TECTA: variants seen among roughly 807,000 people sequenced by gnomAD.
TECTA encodes alpha-tectorin.
TECTA carries 128 observed loss-of-function variants against 216.8 expected under a neutral mutation model. That is an observed-to-expected ratio of 0.59 (90% CI 0.51 to 0.68). TECTA has a LOEUF of 0.68. TECTA is among the 30% of genes least tolerant of loss of function. The probability of loss-of-function intolerance (pLI) is 0.00; values close to 1 mark genes in which losing one functional copy is unlikely to be tolerated. For missense variants in TECTA, 2,551 were observed against 2,786.2 expected, an observed-to-expected ratio of 0.92 and a Z score of 1.90; for synonymous variants, 1,089 against 1,117.1, an observed-to-expected ratio of 0.97 and a Z score of 0.50.
At chr11:121,145,288 A>C (rs1946823758) in intron 11 of TECTA, among the ~76,000 whole-genome samples, 2 of 152,220 alleles carry the variant, frequency 1.3e-5, no homozygotes, top group Non-Finnish European at 2.9e-5. Context: ...TGGAGAAAAC[A>C]ATTTGAACTC....
At chr11:121,154,088 T>G (rs1013124651) in intron 13 of TECTA, among the ~76,000 whole-genome samples, 1 of 152,120 alleles carries the variant, frequency 6.6e-6, no homozygotes, top group African/African-American at 2.4e-5. Context: ...AAATAACCTA[T>G]CAGCAAGTGA....
At chr11:121,156,531 T>C (rs527258) in intron 13 of TECTA, among the ~76,000 whole-genome samples, 1 of 151,540 alleles carries the variant, frequency 6.6e-6, no homozygotes, top group Non-Finnish European at 1.5e-5. Flanking sequence ...TTTAGTAGAG[T>C]TGGGGTTTCA....
chr11:121,148,238 C>T (rs1946858351), intron 12 of TECTA, among the ~76,000 whole-genome samples: 1 of 152,108 alleles, frequency 6.6e-6, no homozygotes, highest in South Asian at 2.1e-4. Context: ...CCAGCACGTT[C>T]CAGGCCAATA....
chr11:121,188,118 T>A, intron 21 of TECTA, 124 bp downstream of exon 21: 1 of 976,286 alleles, frequency 1.0e-6, no homozygotes, highest in Non-Finnish European at 1.6e-6. Context: ...GGGTGGACAG[T>A]CATCTTTGAT....
chr11:121,134,574 C>CT lies in TECTA; in HGVS notation c.2942-2836dup, dbSNP rs34432296. The stretch of plus-strand genomic sequence containing the variant: ...GGACCTTATCATACTTTCCCAAAGT[C>CT]TTTTTTTTTTTCATCCACCTCCCTA... On this transcript the variant is annotated intron_variant, in intron 10 of 23. Transcript: ENST00000392793. Among the ~76,000 whole-genome samples the CT allele has an allele frequency of 2.9e-3, 429 of 148,602 alleles. 3 individuals carry two copies. The highest frequency in any genetic ancestry group is 0.011 in the South Asian group (52 of 4,682).
chr11:121,107,394 C>G (rs1946400648), intron 3 of TECTA, among the ~76,000 whole-genome samples: 1 of 152,160 alleles, frequency 6.6e-6, no homozygotes, highest in Admixed American at 6.5e-5. Flanking sequence ...GTGCAGTTTT[C>G]TTCAAGCCTC....
At chr11:121,129,555 G>T in intron 9 of TECTA, 83 bp from the exon 10 acceptor site, 2 of 1,425,126 alleles carry the variant, frequency 1.4e-6, no homozygotes, top group South Asian at 1.2e-5. Context: ...CAATAGGGCA[G>T]ACCGTGTCTT....
At chr11:121,162,782 C>T (rs1052975597) in intron 16 of TECTA, among the ~76,000 whole-genome samples, 2 of 152,156 alleles carry the variant, frequency 1.3e-5, no homozygotes, top group African/African-American at 2.4e-5. Flanking sequence ...GAAGGCAGAG[C>T]GGGAACTGAG....
At chr11:121,181,440 G>A (rs568017715) in intron 20 of TECTA, among the ~76,000 whole-genome samples, 2 of 129,986 alleles carry the variant, frequency 1.5e-5, no homozygotes, top group African/African-American at 3.3e-5. Context: ...GTTGGAATGT[G>A]TTGCTGGAGA....
At chr11:121,169,432 C>T (rs1042575058) in intron 20 of TECTA, among the ~76,000 whole-genome samples, 4 of 152,120 alleles carry the variant, frequency 2.6e-5, no homozygotes, top group African/African-American at 7.2e-5. Context: ...CAAAAATTCT[C>T]GAATGAATGA....
intron 11 of TECTA, among the ~76,000 whole-genome samples, chr11:121,139,752 T>G (rs866080767): frequency 6.6e-6 from 1 of 152,066 alleles, no homozygotes; most frequent in Non-Finnish European, 1.5e-5. Flanking sequence ...GTTCCCATGA[T>G]TTTGTCACAG....
At chr11:121,180,030 A>G (rs2134208091) in intron 20 of TECTA, among the ~76,000 whole-genome samples, 1 of 150,142 alleles carries the variant, frequency 6.7e-6, no homozygotes, top group South Asian at 2.1e-4. Flanking sequence ...GGGGAATTTA[A>G]TCTGCTTATA....
At chr11:121,182,808 G>A (rs1456501743) in intron 20 of TECTA, among the ~76,000 whole-genome samples, 1 of 152,084 alleles carries the variant, frequency 6.6e-6, no homozygotes, top group Admixed American at 6.5e-5. Context: ...GTGGTGACTG[G>A]TGGGTGAGTC....
chr11:121,177,428 G>C (rs1025034254), intron 20 of TECTA, among the ~76,000 whole-genome samples: 1 of 152,212 alleles, frequency 6.6e-6, no homozygotes, highest in Non-Finnish European at 1.5e-5. Context: ...ATTGGAGTTT[G>C]CTAGAGGTCC....
intron 11 of TECTA, among the ~76,000 whole-genome samples, chr11:121,144,279 C>T (rs1163989422): frequency 6.6e-6 from 1 of 152,148 alleles, no homozygotes; most frequent in Non-Finnish European, 1.5e-5. Context: ...ATTGGATTAA[C>T]TGCTTTCAAT....
chr11:121,108,787 C>T (rs1167946212), intron 3 of TECTA, among the ~76,000 whole-genome samples: 4 of 148,152 alleles, frequency 2.7e-5, no homozygotes, highest in African/African-American at 1.0e-4. Context: ...AGAACACACA[C>T]ACCCATACTC....
chr11:121,186,426 A>G (rs1410782116), intron 20 of TECTA, among the ~76,000 whole-genome samples: 1 of 152,358 alleles, frequency 6.6e-6, no homozygotes, highest in East Asian at 1.9e-4. Context: ...AAAGCCAGCC[A>G]GATAGCCATT....
intron 12 of TECTA, 129 bp from the exon 13 acceptor site, chr11:121,152,752 C>G: frequency 2.2e-6 from 2 of 917,304 alleles, no homozygotes; most frequent in Non-Finnish European, 3.3e-6. Flanking sequence ...TGAAGAAAGG[C>G]GGCAGACCTC....
chr11:121,128,877 A>G (rs1481731818), intron 9 of TECTA, among the ~76,000 whole-genome samples: 1 of 152,190 alleles, frequency 6.6e-6, no homozygotes, highest in Non-Finnish European at 1.5e-5. Flanking sequence ...TGAAAAACCC[A>G]TCATTAGGCA....
Sources: gnomAD v4.1 joint callset for allele counts (sites outside exome capture counted in the v4.1 genomes callset) on GRCh38, gnomAD v4.1.1 for gene constraint, MANE v1.5 for transcripts, NCBI Gene and HGNC (gene_info 2026-07-23, HGNC 2026-07-21) for gene names.